The following ANKRD27 variants were observed in gnomAD, a reference collection of about 807,000 sequenced individuals.
The protein encoded by ANKRD27 is ankyrin repeat domain-containing protein 27.
A neutral mutation model predicts 129.7 loss-of-function variants in ANKRD27; 112 were observed. The observed-to-expected ratio is 0.86, with a 90% CI of 0.74 to 1.01. The LOEUF (loss-of-function observed/expected upper bound fraction) is 1.01, where lower values mean the gene tolerates loss of function less well. Ranked by LOEUF, ANKRD27 falls within the 50% of genes least tolerant of loss-of-function variation. ANKRD27 has a pLI of 0.00. For missense variants in ANKRD27, 1,258 were observed against 1,300.5 expected (o/e 0.97, Z 0.50); for synonymous variants, 516 against 511.2 (o/e 1.01, Z -0.13).
rs567573633 is a variant in ANKRD27, at chr19:32,608,391, C to T, written c.2176-559G>A. 1.3e-4 allele frequency: 45 copies of T among 355,488 alleles called. 1 individual carries two copies. The highest frequency in any genetic ancestry group is 4.6e-4 in the South Asian group (21 of 45,530). 22.0% of individuals were successfully genotyped at this position (355,488 alleles called of 1,614,324 possible). A position where few individuals can be genotyped will look rare whatever the true frequency, so the allele number is the denominator to read the frequency against. ...GGGCATGGCCACAGCCCCGCAAAGGCGACGAGATTCACTTGCTGTTTGCAC... is the reference window on the plus strand; with the variant it reads ...GGGCATGGCCACAGCCCCGCAAAGGTGACGAGATTCACTTGCTGTTTGCAC... On this transcript the variant is annotated intron_variant, in intron 22 of 28. Transcript: ENST00000306065.
rs199893660 is a variant in ANKRD27, at chr19:32,646,533, G to T, written c.296C>A (p.Thr99Asn). The T allele has an allele frequency of 6.2e-7, 1 of 1,614,106 alleles. No homozygotes were observed. The highest frequency in any genetic ancestry group is 1.1e-5 in the South Asian group (1 of 91,072). The change falls in exon 4 of 29, where the codon ACT becomes AAT. Residue 99 changes from threonine (T) to asparagine (N), a missense_variant. Thr to Asn is a moderately conservative substitution (Grantham distance 65, BLOSUM62 0). Coordinates refer to ENST00000306065, the MANE Select transcript of ANKRD27 (RefSeq NM_032139.3). The part of the protein sequence containing the change: ...LLSVPILFEE[T>N]FYNEKEESFS... ...ACTCTCTTCTTTTTCATTGTAGAAA[G>T]TTTCTTCAAAGAGAATGGGCACTGA...
intron 1 of ANKRD27, among the ~76,000 whole-genome samples, chr19:32,664,812 C>A (rs931420608): frequency 9.1e-5 from 13 of 143,418 alleles, no homozygotes; most frequent in Non-Finnish European, 2.0e-4. Context: ...CCAGGCTACT[C>A]GGGAGGATGA....
intron 12 of ANKRD27, among the ~76,000 whole-genome samples, chr19:32,634,072 C>T (rs1411049796): frequency 6.6e-6 from 1 of 152,064 alleles, no homozygotes; most frequent in African/African-American, 2.4e-5. Flanking sequence ...GTATATTTTG[C>T]AGAGAAAATT....
intron 22 of ANKRD27, among the ~76,000 whole-genome samples, chr19:32,612,059 A>AT (rs1971843483): frequency 1.3e-5 from 2 of 152,206 alleles, no homozygotes; most frequent in African/African-American, 4.8e-5. Context: ...AGTATGGGAC[A>AT]TACACATCTA....
At chr19:32,666,624 A>C (rs1967760580) in intron 1 of ANKRD27, among the ~76,000 whole-genome samples, 1 of 151,156 alleles carries the variant, frequency 6.6e-6, no homozygotes, top group Non-Finnish European at 1.5e-5. Flanking sequence ...GGGCACAGAA[A>C]AGGAAATCAG....
intron 3 of ANKRD27, 74 bp downstream of exon 3, chr19:32,649,608 C>T (rs547796413): frequency 1.7e-5 from 17 of 1,011,974 alleles, no homozygotes; most frequent in South Asian, 9.0e-5. Flanking sequence ...AGGCTGAGAA[C>T]GGGACTCTCT....
intron 25 of ANKRD27, among the ~76,000 whole-genome samples, chr19:32,603,686 G>A (rs1252936763): frequency 2.6e-5 from 4 of 151,198 alleles, no homozygotes; most frequent in African/African-American, 9.8e-5. Context: ...CTACAGGCAT[G>A]CACCCCTATG....
chr19:32,659,375 C>T (rs961765569), intron 1 of ANKRD27, among the ~76,000 whole-genome samples: 7 of 152,114 alleles, frequency 4.6e-5, no homozygotes, highest in Non-Finnish European at 1.0e-4. Flanking sequence ...AGCTGTCACA[C>T]CCGACCTGCA....
In ANKRD27 at chr19:32,611,480, C is replaced by CA. The variant is rs1971834767; in HGVS notation, c.2176-3649dup. Among the ~76,000 whole-genome samples the CA allele has an allele frequency of 2.0e-5, 3 of 152,200 alleles. No homozygotes were observed. In the South Asian group the frequency reaches 6.2e-4, roughly 31 times the overall value. ...TGTGAGGGAAAACTTTAGTCATTTT[C>CA]AATATCCTTAGAGTCACCCACGCTG... is the stretch of plus-strand genomic sequence containing the variant. On this transcript the variant is annotated intron_variant, in intron 22 of 28. Coordinates refer to ENST00000306065, the MANE Select transcript of ANKRD27 (RefSeq NM_032139.3).
At chr19:32,606,952 A>G (rs1971750063) in intron 23 of ANKRD27, among the ~76,000 whole-genome samples, 1 of 122,646 alleles carries the variant, frequency 8.2e-6, no homozygotes, top group Non-Finnish European at 1.7e-5. Flanking sequence ...AAAAAAAAAA[A>G]AAAAAAAAAA....
chr19:32,634,604 A>T (rs1313877678), intron 12 of ANKRD27, among the ~76,000 whole-genome samples: 1 of 152,112 alleles, frequency 6.6e-6, no homozygotes. Flanking sequence ...AGACATGCCC[A>T]AGACATCTGA....
At chr19:32,612,438 A>G (rs1026696985) in intron 22 of ANKRD27, among the ~76,000 whole-genome samples, 2 of 152,254 alleles carry the variant, frequency 1.3e-5, no homozygotes, top group Admixed American at 1.3e-4. Flanking sequence ...GTTAGTAAGT[A>G]AGCAATAGGT....
chr19:32,625,966 G>A lies in ANKRD27; in HGVS notation c.1537C>T (p.Leu513=). 6.2e-7 allele frequency: 1 copy of A among 1,604,486 alleles called. No individual in the cohort carries two copies. The highest frequency in any genetic ancestry group is 8.5e-7 in the Non-Finnish European group (1 of 1,177,226). The change falls in exon 17 of 29, where the codon CTG becomes TTG. Residue 513 remains leucine (L), a splice_region_variant and synonymous_variant. Transcript: ENST00000306065. ...CTGGCCTTGTAGTGCAGCAGCAGCA[G>A]CTGCGGAGATAAAGGAAAGCGATGA... The part of the protein sequence containing the change: ...ACQKGYQSVT[L]LLLHYKASAE...
chr19:32,604,552 T>TG, intron 24 of ANKRD27, 128 bp from the exon 25 acceptor site: 1 of 1,046,110 alleles, frequency 9.6e-7, no homozygotes, highest in Non-Finnish European at 1.3e-6. Context: ...CCTTAAAATT[T>TG]GGGGAGGAAA....
At chr19:32,648,135 G>T (rs1230594905) in intron 3 of ANKRD27, among the ~76,000 whole-genome samples, 1 of 152,008 alleles carries the variant, frequency 6.6e-6, no homozygotes, top group Non-Finnish European at 1.5e-5. Flanking sequence ...GCATGGTGGC[G>T]AGTGCTTGCA....
At chr19:32,643,050 G>T in intron 9 of ANKRD27, 73 bp downstream of exon 9, 1 of 1,465,178 alleles carries the variant, frequency 6.8e-7, no homozygotes, top group Non-Finnish European at 9.5e-7. Context: ...CTGCCACCGA[G>T]AGGGCCTGCT....
chr19:32,644,447 G>C lies in ANKRD27; in HGVS notation c.403C>G (p.Leu135Val). The change falls in exon 5 of 29, where the codon CTG (leucine) becomes GTG (valine). Residue 135 changes from leucine (L) to valine (V), a missense_variant. Coordinates refer to ENST00000306065, the MANE Select transcript of ANKRD27 (RefSeq NM_032139.3). ...TCTCTCACATCTTCAATGGTTTTCA[G>C]GGAAAAGGGATCTGAGGGTGCCAAA... ...EPLAPSDPFS[L>V]KTIEDVREFL... 1 of 1,614,008 alleles carries C rather than the reference G, an allele frequency of 6.2e-7. No individual in the cohort carries two copies. Among genetic ancestry groups the C allele is most frequent in the South Asian group, 1.1e-5 (1 of 91,084 alleles).
At chr19:32,640,950 G>A (rs964959465) in intron 10 of ANKRD27, among the ~76,000 whole-genome samples, 1 of 152,088 alleles carries the variant, frequency 6.6e-6, no homozygotes, top group Non-Finnish European at 1.5e-5. Flanking sequence ...CCAGACTGGA[G>A]TGCAGTGGCG....
At chr19:32,605,123 C>A (rs1219173935) in intron 24 of ANKRD27, among the ~76,000 whole-genome samples, 1 of 152,088 alleles carries the variant, frequency 6.6e-6, no homozygotes, top group African/African-American at 2.4e-5. Context: ...CGTAATCCAG[C>A]ACTTTAGGAG....
Sources: gnomAD v4.1 joint callset for allele counts (sites outside exome capture counted in the v4.1 genomes callset) on GRCh38, gnomAD v4.1.1 for gene constraint, MANE v1.5 for transcripts, NCBI Gene and HGNC (gene_info 2026-07-23, HGNC 2026-07-21) for gene names.